Variants in NEURL1 observed in about 807,000 individuals in gnomAD.
NEURL1 encodes the protein E3 ubiquitin-protein ligase NEURL1.
In NEURL1, 26 loss-of-function variants were observed where a neutral mutation model predicts 41.2. The observed-to-expected ratio is 0.63, with a 90% CI of 0.46 to 0.87. NEURL1 has a LOEUF of 0.87. Among genes scored for constraint, NEURL1 ranks in the 40% least tolerant of loss-of-function variants. The pLI, the probability that NEURL1 is intolerant of heterozygous loss-of-function variation, is 0.00. For synonymous variants in NEURL1, 400 were observed against 402.3 expected (o/e 0.99, Z 0.07); for missense variants, 761 against 871.1 (o/e 0.87, Z 1.59).
At chr10:103,520,876 T>C (rs1327997833) in intron 1 of NEURL1, among the ~76,000 whole-genome samples, 1 of 152,064 alleles carries the variant, frequency 6.6e-6, no homozygotes, top group East Asian at 1.9e-4. Flanking sequence ...TCTTATAGAA[T>C]GATTGGTGAT....
At chr10:103,533,232 C>G (rs2034611653) in intron 1 of NEURL1, among the ~76,000 whole-genome samples, 1 of 151,958 alleles carries the variant, frequency 6.6e-6, no homozygotes, top group Non-Finnish European at 1.5e-5. Context: ...TGGCCCTTCT[C>G]TTCTCCTTTT....
At chr10:103,504,430 T>G (rs1274413262) in intron 1 of NEURL1, among the ~76,000 whole-genome samples, 1 of 152,214 alleles carries the variant, frequency 6.6e-6, no homozygotes, top group East Asian at 1.9e-4. Context: ...TTTTGTGGTG[T>G]TCTTCTCATG....
intron 2 of NEURL1, among the ~76,000 whole-genome samples, 171 bp from the exon 3 acceptor site, chr10:103,571,330 G>T (rs1323769665): frequency 6.6e-6 from 1 of 152,208 alleles, no homozygotes; most frequent in East Asian, 1.9e-4. Context: ...GGCGGTGGCC[G>T]TGGGAACCCC....
chr10:103,516,309 G>A (rs1002108195), intron 1 of NEURL1, among the ~76,000 whole-genome samples: 1 of 151,168 alleles, frequency 6.6e-6, no homozygotes, highest in South Asian at 2.1e-4. Context: ...GGCGGTGAGA[G>A]TGAGGGAATA....
rs948794736 is a variant in NEURL1 at position 103,584,684 on chromosome 10, G to A, written c.798G>A (p.Ala266=). Residue 266 remains alanine (A), a synonymous_variant, in exon 4 of 6, where the codon GCG becomes GCA. Transcript: ENST00000369780. ...NVPGADGDEA[A]PAAGCPIPQN... ...CGGGCGCGGACGGCGACGAGGCCGC[G>A]CCGGCCGCCGGCTGCCCCATCCCGC... 1.4e-6 allele frequency: 2 copies of A among 1,430,736 alleles called. No homozygotes were observed. The highest frequency in any genetic ancestry group is 1.8e-6 in the Non-Finnish European group (2 of 1,098,324). 88.6% of individuals were successfully genotyped at this position (1,430,736 alleles called of 1,614,324 possible).
chr10:103,495,163 A>T (rs559139874), intron 1 of NEURL1, among the ~76,000 whole-genome samples: 1 of 152,156 alleles, frequency 6.6e-6, no homozygotes, highest in Non-Finnish European at 1.5e-5. Context: ...CCCTAGGCCC[A>T]GTCTCCCCAT....
chr10:103,581,797 C>T (rs1409574200), intron 3 of NEURL1, among the ~76,000 whole-genome samples: 1 of 152,142 alleles, frequency 6.6e-6, no homozygotes, highest in Non-Finnish European at 1.5e-5. Context: ...TGTGTGGGGA[C>T]TCTGAGTATT....
Position 103,589,737 on chromosome 10 carries a change from G to T in NEURL1, c.1486+77G>T. The T allele has an allele frequency of 3.3e-6, 5 of 1,530,152 alleles. No homozygotes were observed. In the South Asian group the frequency reaches 6.4e-5, roughly 20 times the overall value. The allele number at this position is 1,530,152 out of a possible 1,614,324, so 94.8% of individuals were successfully genotyped here. A position where few individuals can be genotyped will look rare whatever the true frequency, so the allele number is the denominator to read the frequency against. ...GGATGCAGCCTTTGTGTCCGGGGCTGGGAGTGGAGAGGAGCTGGAGTTGGG... is the reference window on the plus strand; with the variant it reads ...GGATGCAGCCTTTGTGTCCGGGGCTTGGAGTGGAGAGGAGCTGGAGTTGGG... On this transcript the variant is annotated intron_variant, in intron 5 of 5. Transcript: ENST00000369780.
chr10:103,584,879 C>T lies in NEURL1; in HGVS notation c.993C>T (p.Pro331=), dbSNP rs1488692579. The change falls in exon 4 of 6, where the codon CCC becomes CCT. Residue 331 remains proline (P), a synonymous_variant. Transcript: ENST00000369780. Reference sequence around the variant, plus strand: ...GCGCGCTCGTCTTCACCAGCCGGCCCGTGCGCGTGGCCGAGACCATCTTCG... The same window carrying T: ...GCGCGCTCGTCTTCACCAGCCGGCCTGTGCGCGTGGCCGAGACCATCTTCG... ...DERALVFTSR[P]VRVAETIFVK... The T allele has an allele frequency of 2.8e-6, 4 of 1,430,046 alleles. No individual in the cohort carries two copies. The highest frequency in any genetic ancestry group is 2.7e-6 in the Non-Finnish European group (3 of 1,101,766). The allele number at this position is 1,430,046 out of a possible 1,614,324, so 88.6% of individuals were successfully genotyped here.
chr10:103,570,918 C>G lies in NEURL1; in HGVS notation c.132C>G (p.His44Gln). The G allele has an allele frequency of 6.2e-7, 1 of 1,613,902 alleles. No individual in the cohort carries two copies. Among genetic ancestry groups the G allele is most frequent in the Non-Finnish European group, 8.5e-7 (1 of 1,179,998 alleles). ...PFPVTSHRCH[H>Q]KQKHCPAVLP... ...CCGTCACTTCTCACCGATGCCACCA[C>G]AAGCAGAAGCACTGTCCGGCAGTGC... Residue 44 changes from histidine to glutamine, a missense_variant, in exon 2 of 6, where the codon CAC (histidine) becomes CAG (glutamine). Around this residue, in one of 5 missense-constraint regions of NEURL1, gnomAD observed 94 missense variants for 96.6 expected, o/e 0.97. Transcript: ENST00000369780.
At position 103,571,059 on chromosome 10, in the gene NEURL1, C is replaced by T. The variant is rs200896969; in HGVS notation, c.273C>T (p.Asn91=). 1.4e-5 allele frequency: 23 copies of T among 1,613,956 alleles called. No individual in the cohort carries two copies. The highest frequency in any genetic ancestry group is 1.2e-4 in the South Asian group (11 of 91,086). Residue 91 remains asparagine, a synonymous_variant, in exon 2 of 6, where the codon AAC becomes AAT. Transcript: ENST00000369780. ...KAVKRQASFC[N]AITFSNRPVL... is the part of the protein sequence containing the mutation. ...TCAAGAGGCAGGCCAGCTTCTGCAACGCCATCACCTTCAGCAACCGCCCGG... is the reference window on the plus strand; with the variant it reads ...TCAAGAGGCAGGCCAGCTTCTGCAATGCCATCACCTTCAGCAACCGCCCGG...
intron 1 of NEURL1, among the ~76,000 whole-genome samples, chr10:103,528,474 G>A (rs1486942980): frequency 6.6e-6 from 1 of 151,570 alleles, no homozygotes; most frequent in Non-Finnish European, 1.5e-5. Flanking sequence ...GGCGGAGGTT[G>A]CAGTGAGCTG....
chr10:103,522,665 G>C (rs753498321), intron 1 of NEURL1, among the ~76,000 whole-genome samples: 5 of 151,106 alleles, frequency 3.3e-5, no homozygotes, highest in African/African-American at 1.2e-4. Context: ...AACCTTATTG[G>C]TTTGTTAGGT....
At chr10:103,536,613 T>A (rs1374770448) in intron 1 of NEURL1, among the ~76,000 whole-genome samples, 3 of 152,116 alleles carry the variant, frequency 2.0e-5, no homozygotes, top group Non-Finnish European at 4.4e-5. Flanking sequence ...TTTGGCTATC[T>A]TTATGATGGG....
At position 103,494,165 on chromosome 10, in the gene NEURL1, A is replaced by C; in HGVS notation, c.-223A>C. ...CCGCCACGGGGCATGGGAGGCAGGT[A>C]GCCCAGCCTGCGCCAGGACACCCGT... On this transcript the variant is annotated 5_prime_UTR_variant, in exon 1 of 6. The change abolishes the stop of an existing upstream ORF in the 5' untranslated region. Coordinates refer to ENST00000369780, the MANE Select transcript of NEURL1 (RefSeq NM_004210.5). 4.3e-6 allele frequency: 2 copies of C among 464,428 alleles called. No individual in the cohort carries two copies. The highest frequency in any genetic ancestry group is 4.0e-5 in the East Asian group (1 of 25,134). The allele number at this position is 464,428 out of a possible 1,614,324, so 28.8% of individuals were successfully genotyped here. A position where few individuals can be genotyped will look rare whatever the true frequency, so the allele number is the denominator to read the frequency against.
intron 1 of NEURL1, among the ~76,000 whole-genome samples, chr10:103,563,104 G>A (rs1231285311): frequency 6.6e-6 from 1 of 152,182 alleles, no homozygotes; most frequent in Non-Finnish European, 1.5e-5. Flanking sequence ...CTGAGATTAG[G>A]ACGTTTGGGG....
chr10:103,535,337 A>T (rs571057897), intron 1 of NEURL1, among the ~76,000 whole-genome samples: 3 of 152,096 alleles, frequency 2.0e-5, no homozygotes, highest in Non-Finnish European at 4.4e-5. Flanking sequence ...GTAGGGCAGG[A>T]TGTCTCAGTT....
At chr10:103,525,431 A>G (rs1312950915) in intron 1 of NEURL1, among the ~76,000 whole-genome samples, 1 of 149,126 alleles carries the variant, frequency 6.7e-6, no homozygotes, top group East Asian at 2.0e-4. Flanking sequence ...TCGGCCCACT[A>G]CAACCTCCTC....
At chr10:103,518,337 C>T (rs1189728590) in intron 1 of NEURL1, among the ~76,000 whole-genome samples, 1 of 152,142 alleles carries the variant, frequency 6.6e-6, no homozygotes, top group Non-Finnish European at 1.5e-5. Context: ...CCCTCTTCCT[C>T]TCCCTTCCCT....
Sources: allele counts gnomAD v4.1 joint callset (sites outside exome capture counted in the v4.1 genomes callset), GRCh38; gene constraint gnomAD v4.1.1; regional missense constraint gnomAD v4.1.1; transcripts MANE v1.5; gene names NCBI Gene and HGNC (gene_info 2026-07-23, HGNC 2026-07-21).